The following MTREX variants were observed in gnomAD, a reference collection of about 807,000 sequenced individuals.
MTREX encodes the protein exosome RNA helicase MTR4.
In MTREX, 76 loss-of-function variants were observed where a neutral mutation model predicts 135.4. The observed-to-expected ratio is 0.56, with a 90% CI of 0.47 to 0.68. The LOEUF is 0.68. Ranked by LOEUF, MTREX falls within the 30% of genes least tolerant of loss-of-function variation. The probability of loss-of-function intolerance (pLI) is 0.00; values close to 1 mark genes in which losing one functional copy is unlikely to be tolerated. For synonymous variants in MTREX, 404 were observed against 401.6 expected (o/e 1.01, Z -0.07); for missense variants, 920 against 1,262.1 (o/e 0.73, Z 4.11).
intron 5 of MTREX, among the ~76,000 whole-genome samples, 171 bp from the exon 6 acceptor site, chr5:55,339,839 A>G (rs1749615639): frequency 6.6e-6 from 1 of 152,184 alleles, no homozygotes; most frequent in Admixed American, 6.5e-5. Context: ...AGATCACTCT[A>G]TTTCATATTT....
intron 21 of MTREX, among the ~76,000 whole-genome samples, chr5:55,404,199 C>T (rs1247037061): frequency 2.0e-5 from 3 of 152,188 alleles, no homozygotes; most frequent in Non-Finnish European, 4.4e-5. Context: ...CTTCGGATTT[C>T]AACTTATCAA....
chr5:55,308,022 C>A lies in MTREX; in HGVS notation c.9C>A (p.Asp3Glu). The change falls in exon 1 of 27, where the codon GAC (aspartate) becomes GAA (glutamate). Residue 3 changes from aspartate to glutamate, a missense_variant. Physicochemically the swap from Asp to Glu is conservative, Grantham distance 45 (BLOSUM62 2). This residue lies in a region of MTREX where 136 missense variants were observed against 126.7 expected (regional missense o/e 1.07). Transcript: ENST00000230640. Reference sequence around the variant, plus strand: ...TCTCACTGCTCCCAAAAATGGCGGACGCATTCGGAGATGAGCTGTTCAGCG... The same window carrying A: ...TCTCACTGCTCCCAAAAATGGCGGAAGCATTCGGAGATGAGCTGTTCAGCG... MA[D>E]AFGDELFSVF... 2 of 1,614,092 alleles carry A rather than the reference C, an allele frequency of 1.2e-6. No individual in the cohort carries two copies. Among genetic ancestry groups the A allele is most frequent in the Non-Finnish European group, 1.7e-6 (2 of 1,180,030 alleles).
At chr5:55,409,210 C>G (rs189124546) in intron 22 of MTREX, among the ~76,000 whole-genome samples, 39 of 152,144 alleles carry the variant, frequency 2.6e-4, no homozygotes, top group African/African-American at 9.4e-4. Flanking sequence ...TTTCAGCTTC[C>G]CAAATGAGCC....
intron 1 of MTREX, among the ~76,000 whole-genome samples, chr5:55,316,905 C>G (rs1481485770): frequency 2.6e-5 from 4 of 152,154 alleles, no homozygotes; most frequent in Non-Finnish European, 2.9e-5. Flanking sequence ...AACACTCCAG[C>G]TGACAAACAA....
chr5:55,319,891 C>T (rs1749260696), intron 1 of MTREX, among the ~76,000 whole-genome samples: 1 of 152,134 alleles, frequency 6.6e-6, no homozygotes, highest in Non-Finnish European at 1.5e-5. Context: ...AGACTTTAAC[C>T]AGCTCCTAAT....
chr5:55,418,233 C>A (rs1248811029), intron 25 of MTREX, among the ~76,000 whole-genome samples: 575 of 124,358 alleles, frequency 4.6e-3, no homozygotes, highest in Middle Eastern at 0.012. Flanking sequence ...GACACCATCT[C>A]AAAAAAAAAA....
At chr5:55,413,105 G>A (rs971250171) in intron 23 of MTREX, among the ~76,000 whole-genome samples, 5 of 151,996 alleles carry the variant, frequency 3.3e-5, no homozygotes, top group African/African-American at 7.3e-5. Flanking sequence ...ACTTTAGGAG[G>A]CTGAGGCGGG....
Position 55,410,580 on chromosome 5 carries a change from C to T in MTREX, c.2702C>T (p.Ser901Phe). The change falls in exon 23 of 27, where the codon TCT (serine) becomes TTT (phenylalanine). Residue 901 changes from serine to phenylalanine, a missense_variant. By Grantham distance (155) the Ser-to-Phe change is radical. Coordinates refer to ENST00000230640, the MANE Select transcript of MTREX (RefSeq NM_015360.5). Reference protein sequence around the residue: ...MMFNGLFNDLSAEQATALLSC... With the variant: ...MMFNGLFNDLFAEQATALLSC... ...TTTAATGGCCTTTTCAATGACCTTT[C>T]TGCAGAACAGGCAACAGCATTATTA... 1 of 1,611,368 alleles carries T rather than the reference C, an allele frequency of 6.2e-7. No individual in the cohort carries two copies. The highest frequency in any genetic ancestry group is 1.7e-4 in the Middle Eastern group (1 of 6,052).
intron 25 of MTREX, among the ~76,000 whole-genome samples, chr5:55,417,685 T>G (rs12653335): frequency 6.6e-6 from 1 of 152,304 alleles, no homozygotes; most frequent in East Asian, 1.9e-4. Flanking sequence ...GTATGACAAT[T>G]GTGTTTCAGC....
At chr5:55,313,273 CAAA>C (rs34340973) in intron 1 of MTREX, among the ~76,000 whole-genome samples, 1 of 97,064 alleles carries the variant, frequency 1.0e-5, no homozygotes, top group Non-Finnish European at 2.2e-5. Context: ...CCTGTCTCTA[CAAA>C]AAAAAAAAAA....
intron 15 of MTREX, among the ~76,000 whole-genome samples, chr5:55,362,913 C>G (rs779757263): frequency 6.6e-6 from 1 of 152,100 alleles, no homozygotes; most frequent in Non-Finnish European, 1.5e-5. Context: ...AAAAATATCA[C>G]AGTACTTTGA....
At chr5:55,359,128 C>T (rs536022288) in intron 15 of MTREX, among the ~76,000 whole-genome samples, 28 of 152,260 alleles carry the variant, frequency 1.8e-4, no homozygotes, top group African/African-American at 6.3e-4. Flanking sequence ...CAGCAATCTG[C>T]GTTTACACTT....
chr5:55,392,228 C>A (rs1013226919), intron 19 of MTREX, among the ~76,000 whole-genome samples: 10 of 152,078 alleles, frequency 6.6e-5, no homozygotes, highest in African/African-American at 2.4e-4. Flanking sequence ...GCAGAGACTT[C>A]CTTAAATGCC....
chr5:55,331,896 G>C (rs1223105424), intron 5 of MTREX, among the ~76,000 whole-genome samples: 3 of 152,044 alleles, frequency 2.0e-5, no homozygotes, highest in African/African-American at 7.2e-5. Flanking sequence ...TATATTTTGT[G>C]CTATTTATCA....
At chr5:55,336,760 G>A (rs1463263108) in intron 5 of MTREX, among the ~76,000 whole-genome samples, 1 of 152,084 alleles carries the variant, frequency 6.6e-6, no homozygotes, top group Non-Finnish European at 1.5e-5. Flanking sequence ...CGTATCCATG[G>A]GTTCCTCATC....
At chr5:55,419,852 C>G (rs948044341) in intron 25 of MTREX, among the ~76,000 whole-genome samples, 3 of 37,150 alleles carry the variant, frequency 8.1e-5, no homozygotes, top group Non-Finnish European at 2.3e-4. Context: ...GAATTGCATT[C>G]CTCAACTCTC....
chr5:55,400,870 G>A (rs1233688592), intron 21 of MTREX, among the ~76,000 whole-genome samples: 2 of 152,150 alleles, frequency 1.3e-5, no homozygotes, highest in East Asian at 1.9e-4. Flanking sequence ...CTATCTGTAT[G>A]GTTTTGCCTA....
At chr5:55,352,958 T>C (rs1749851358) in intron 13 of MTREX, among the ~76,000 whole-genome samples, 1 of 152,232 alleles carries the variant, frequency 6.6e-6, no homozygotes, top group Non-Finnish European at 1.5e-5. Context: ...TTCCCTTAAT[T>C]ACCAAACTTC....
At chr5:55,319,428 T>C (rs1045094540) in intron 1 of MTREX, among the ~76,000 whole-genome samples, 2 of 152,184 alleles carry the variant, frequency 1.3e-5, no homozygotes, top group Non-Finnish European at 1.5e-5. Flanking sequence ...CCTCTATAGG[T>C]TAGAGATTGA....
Sources: gnomAD v4.1 joint callset for allele counts (sites outside exome capture counted in the v4.1 genomes callset) on GRCh38, gnomAD v4.1.1 for gene constraint, gnomAD v4.1.1 regional missense constraint, MANE v1.5 for transcripts, NCBI Gene and HGNC (gene_info 2026-07-23, HGNC 2026-07-21) for gene names.